EYS: variants seen among roughly 807,000 people sequenced by gnomAD.
EYS encodes the protein protein eyes shut homolog.
In EYS, 250 loss-of-function variants were observed where a neutral mutation model predicts 282.1. The ratio of observed to expected loss-of-function variants is 0.89; its 90% CI spans 0.80 to 0.98. The LOEUF (loss-of-function observed/expected upper bound fraction) is 0.98, where lower values mean the gene tolerates loss of function less well. Ranked by LOEUF, EYS falls within the 50% of genes least tolerant of loss-of-function variation. The probability of loss-of-function intolerance (pLI) is 0.00; values close to 1 mark genes in which losing one functional copy is unlikely to be tolerated. For missense variants in EYS, 4,016 were observed against 3,709.0 expected, an observed-to-expected ratio of 1.08 and a Z score of -2.15; for synonymous variants, 1,355 against 1,282.9, an observed-to-expected ratio of 1.06 and a Z score of -1.20.
At chr6:64,363,086 C>T (rs912120229) in intron 29 of EYS, among the ~76,000 whole-genome samples, 3 of 151,546 alleles carry the variant, frequency 2.0e-5, no homozygotes, top group Non-Finnish European at 4.4e-5. Context: ...CCTTAACCTC[C>T]AGAAGAGCTG....
chr6:64,845,664 T>C lies in EYS; in HGVS notation c.2993-22842A>G, dbSNP rs984013113. ...ACTCACGAAAATTCATTTGAAGTCA[T>C]TTCTTTCTTCTAAGCGTCAGATCCT... On this transcript the variant is annotated intron_variant, in intron 19 of 42. Transcript: ENST00000503581. Among the ~76,000 whole-genome samples, 3 of 152,252 alleles carry C rather than the reference T, an allele frequency of 2.0e-5. No individual in the cohort carries two copies. The South Asian group carries it at 6.2e-4, about 32-fold the overall frequency.
At chr6:64,000,668 C>G (rs898774162) in intron 33 of EYS, among the ~76,000 whole-genome samples, 4 of 152,054 alleles carry the variant, frequency 2.6e-5, no homozygotes, top group African/African-American at 9.7e-5. Flanking sequence ...AAACAAAAAA[C>G]AAACCCTAAG....
chr6:64,787,624 T>A (rs894524335), intron 22 of EYS, among the ~76,000 whole-genome samples: 1 of 151,300 alleles, frequency 6.6e-6, no homozygotes, highest in Admixed American at 6.6e-5. Context: ...TTATTCCTTT[T>A]TACTTCCTCT....
At chr6:64,961,622 A>G (rs1018163640) in intron 14 of EYS, among the ~76,000 whole-genome samples, 2 of 152,130 alleles carry the variant, frequency 1.3e-5, no homozygotes, top group Admixed American at 6.5e-5. Flanking sequence ...CAAAAAATGC[A>G]TGCTTCATCA....
At chr6:63,759,983 T>C (rs1364921983) in intron 41 of EYS, among the ~76,000 whole-genome samples, 1 of 152,046 alleles carries the variant, frequency 6.6e-6, no homozygotes, top group African/African-American at 2.4e-5. Flanking sequence ...GTTTAAGTAG[T>C]TTGAACATTT....
intron 14 of EYS, among the ~76,000 whole-genome samples, chr6:64,958,688 T>A (rs373261485): frequency 1.4e-4 from 17 of 118,726 alleles, no homozygotes; most frequent in Admixed American, 3.7e-4. Context: ...TGAGCGGAGA[T>A]CGCGCCACAG....
Position 65,371,667 on chromosome 6 carries a change from G to T in EYS, c.1299+12719C>A, listed in dbSNP as rs1360781151. On this transcript the variant is annotated intron_variant, in intron 8 of 42. Transcript: ENST00000503581. ...GCTTACCTGCTTTCCTCTCTGCAAA[G>T]TTTAATTATGTGAGCCTTCAAATTC... is the stretch of plus-strand genomic sequence containing the variant. Among the ~76,000 whole-genome samples, 6 of 148,358 alleles carry T rather than the reference G, an allele frequency of 4.0e-5. No homozygotes were observed. The East Asian group carries it at 1.2e-3, about 30-fold the overall frequency.
chr6:64,854,295 G>A (rs1198819983), intron 19 of EYS, among the ~76,000 whole-genome samples: 2 of 152,052 alleles, frequency 1.3e-5, no homozygotes, highest in Non-Finnish European at 2.9e-5. Context: ...AAAGACACAT[G>A]CACATGTATG....
At chr6:64,853,091 T>C (rs1765938635) in intron 19 of EYS, among the ~76,000 whole-genome samples, 1 of 152,118 alleles carries the variant, frequency 6.6e-6, no homozygotes, top group Non-Finnish European at 1.5e-5. Flanking sequence ...GTATGATAAA[T>C]GTGTAGAGTT....
intron 41 of EYS, among the ~76,000 whole-genome samples, chr6:63,737,962 G>A (rs1483996454): frequency 6.6e-6 from 1 of 152,162 alleles, no homozygotes; most frequent in African/African-American, 2.4e-5. Flanking sequence ...AGACATTTAT[G>A]CAGCCAAAAA....
In EYS at chr6:65,609,751, C is replaced by T. The variant is rs145212797; in HGVS notation, c.-333+30027G>A. Among the ~76,000 whole-genome samples, 446 of 152,228 alleles carry T rather than the reference C, an allele frequency of 2.9e-3. 1 individual carries two copies. The highest frequency in any genetic ancestry group is 0.01 in the African/African-American group (433 of 41,556). Reference sequence around the variant, plus strand: ...AGTTTCTCCAAAGCTATTCTAAATACATTTAATCCTCTGAATCAAATGCAT... The same window carrying T: ...AGTTTCTCCAAAGCTATTCTAAATATATTTAATCCTCTGAATCAAATGCAT... On this transcript the variant is annotated intron_variant, in intron 2 of 42. Coordinates refer to ENST00000503581, the MANE Select transcript of EYS (RefSeq NM_001142800.2).
chr6:64,888,694 C>T (rs952532319), intron 18 of EYS, among the ~76,000 whole-genome samples: 3 of 151,850 alleles, frequency 2.0e-5, no homozygotes, highest in African/African-American at 7.2e-5. Flanking sequence ...CTGTTTTTCT[C>T]CATTGTATTC....
intron 31 of EYS, among the ~76,000 whole-genome samples, chr6:64,172,366 AC>A (rs1363065606): frequency 6.6e-6 from 1 of 152,146 alleles, no homozygotes; most frequent in Admixed American, 6.5e-5. Context: ...ATACACATTG[AC>A]CAGAAACCCC....
chr6:65,176,418 C>A (rs944733667), intron 12 of EYS, among the ~76,000 whole-genome samples: 2 of 151,336 alleles, frequency 1.3e-5, no homozygotes, highest in African/African-American at 4.8e-5. Context: ...ACAGAAATAG[C>A]AAGATAATTT....
chr6:64,448,335 G>A (rs1314910151), intron 26 of EYS, among the ~76,000 whole-genome samples: 1 of 152,218 alleles, frequency 6.6e-6, no homozygotes, highest in Non-Finnish European at 1.5e-5. Context: ...GCTTGGGCTT[G>A]AGTAGGTAAA....
chr6:65,302,057 C>T (rs1300767897), intron 11 of EYS, among the ~76,000 whole-genome samples: 1 of 152,158 alleles, frequency 6.6e-6, no homozygotes, highest in Admixed American at 6.5e-5. Context: ...GATTTTTTTT[C>T]ATGATCCTTT....
At chr6:65,212,575 TGA>T (rs1333168887) in intron 12 of EYS, among the ~76,000 whole-genome samples, 1 of 152,152 alleles carries the variant, frequency 6.6e-6, no homozygotes, top group African/African-American at 2.4e-5. Context: ...TTTGTCAGTC[TGA>T]GTAGTCACAT....
intron 30 of EYS, among the ~76,000 whole-genome samples, chr6:64,235,223 A>T (rs1300187230): frequency 6.6e-6 from 1 of 150,574 alleles, no homozygotes; most frequent in Non-Finnish European, 1.5e-5. Context: ...ATATCTCCTA[A>T]TGCTATCCCT....
chr6:64,350,947 C>T (rs1421715041), intron 29 of EYS, among the ~76,000 whole-genome samples: 1 of 151,474 alleles, frequency 6.6e-6, no homozygotes, highest in Middle Eastern at 3.2e-3. Flanking sequence ...TTCCCAACTT[C>T]ACTTGGCACT....
Sources: allele counts gnomAD v4.1 joint callset (sites outside exome capture counted in the v4.1 genomes callset), GRCh38; gene constraint gnomAD v4.1.1; transcripts MANE v1.5; gene names NCBI Gene and HGNC (gene_info 2026-07-23, HGNC 2026-07-21).